The following SPMIP3 variants were observed in gnomAD, a reference collection of about 807,000 sequenced individuals.
SPMIP3 encodes the protein sperm microtubule inner protein 3.
chr1:244,364,851 A>G, the SPMIP3 span: 1 of 1,284,986 alleles, frequency 7.8e-7, no homozygotes, highest in South Asian at 1.2e-5. Context: ...TCAGTGGTCC[A>G]GAGACTACTG....
chr1:244,374,662 T>C, the SPMIP3 span, among the ~76,000 whole-genome samples: 1 of 130,748 alleles, frequency 7.6e-6, no homozygotes, highest in East Asian at 2.7e-4. Context: ...AGTGGCACAA[T>C]CTCAGCTCAC....
chr1:244,371,702 C>A, the SPMIP3 span, among the ~76,000 whole-genome samples: 1 of 152,202 alleles, frequency 6.6e-6, no homozygotes, highest in African/African-American at 2.4e-5. Flanking sequence ...GCCCACAGCC[C>A]AGCAACTGTA....
chr1:244,360,539 C>CAT, the SPMIP3 span, among the ~76,000 whole-genome samples: 1 of 64,810 alleles, frequency 1.5e-5, no homozygotes, highest in Non-Finnish European at 3.6e-5. Flanking sequence ...CACACACACA[C>CAT]ACACACACAC....
At chr1:244,382,458 C>T in the SPMIP3 span, among the ~76,000 whole-genome samples, 1 of 152,040 alleles carries the variant, frequency 6.6e-6, no homozygotes, top group Admixed American at 6.6e-5. Context: ...GAAAGGAGAC[C>T]AGTGTTGTTT....
chr1:244,360,507 TATACACACACAC>T, the SPMIP3 span, among the ~76,000 whole-genome samples: 5 of 12,864 alleles, frequency 3.9e-4, no homozygotes, highest in Admixed American at 9.7e-4. Flanking sequence ...GAAAACGTGA[TATACACACACAC>T]ACACACACAC....
chr1:244,383,812 A>C, the SPMIP3 span, among the ~76,000 whole-genome samples: 1 of 152,116 alleles, frequency 6.6e-6, no homozygotes, highest in Non-Finnish European at 1.5e-5. Flanking sequence ...CGGTGGAGGG[A>C]TGGGAAGAAA....
chr1:244,365,141 A>G, the SPMIP3 span, among the ~76,000 whole-genome samples: 5 of 152,344 alleles, frequency 3.3e-5, no homozygotes, highest in South Asian at 2.1e-4. Context: ...GGACAATTGA[A>G]GTACGATAAC....
chr1:244,387,826 G>C, the SPMIP3 span, among the ~76,000 whole-genome samples: 4 of 151,978 alleles, frequency 2.6e-5, no homozygotes, highest in Non-Finnish European at 5.9e-5. Flanking sequence ...GGATTTGGTT[G>C]GTGAGAGAGT....
At chr1:244,380,908 G>A in the SPMIP3 span, among the ~76,000 whole-genome samples, 1 of 151,978 alleles carries the variant, frequency 6.6e-6, no homozygotes, top group Non-Finnish European at 1.5e-5. Context: ...GTTGCCAGCA[G>A]GGGTTTGGGA....
chr1:244,363,080 T>C, the SPMIP3 span, among the ~76,000 whole-genome samples: 2 of 151,714 alleles, frequency 1.3e-5, no homozygotes, highest in East Asian at 3.9e-4. Flanking sequence ...AATGTAGTAG[T>C]TTGCTTGTGG....
chr1:244,385,971 T>G, the SPMIP3 span, among the ~76,000 whole-genome samples: 1 of 150,348 alleles, frequency 6.7e-6, no homozygotes, highest in Non-Finnish European at 1.5e-5. Context: ...TGAGACCAGC[T>G]TAGCCAACAT....
the SPMIP3 span, among the ~76,000 whole-genome samples, chr1:244,369,916 A>G: frequency 6.6e-6 from 1 of 152,104 alleles, no homozygotes; most frequent in African/African-American, 2.4e-5. Context: ...GAGAAAGGGG[A>G]AGATGGCGCC....
At chr1:244,376,689 C>A in the SPMIP3 span, among the ~76,000 whole-genome samples, 1 of 152,096 alleles carries the variant, frequency 6.6e-6, no homozygotes, top group Non-Finnish European at 1.5e-5. Flanking sequence ...TACGATTTAT[C>A]CATTTAATTC....
the SPMIP3 span, among the ~76,000 whole-genome samples, chr1:244,358,375 G>C: frequency 6.6e-6 from 1 of 152,262 alleles, no homozygotes; most frequent in African/African-American, 2.4e-5. Context: ...CTTGAGGTCA[G>C]AAGTTCGAGA....
the SPMIP3 span, among the ~76,000 whole-genome samples, chr1:244,355,569 G>T: frequency 5.9e-5 from 9 of 152,036 alleles, no homozygotes; most frequent in Non-Finnish European, 1.2e-4. Flanking sequence ...TGTGTTTTTA[G>T]TAGAGACAGA....
the SPMIP3 span, among the ~76,000 whole-genome samples, chr1:244,383,752 A>G: frequency 1.3e-5 from 2 of 152,186 alleles, no homozygotes; most frequent in Non-Finnish European, 2.9e-5. Flanking sequence ...ACTAAAAACA[A>G]TAAGGGTGTG....
the SPMIP3 span, chr1:244,388,869 G>A: frequency 9.1e-7 from 1 of 1,097,456 alleles, no homozygotes; most frequent in Non-Finnish European, 1.4e-6. Flanking sequence ...TTGTTACTGT[G>A]CACAACTGCT....
the SPMIP3 span, among the ~76,000 whole-genome samples, chr1:244,362,720 G>C: frequency 6.6e-6 from 1 of 152,008 alleles, no homozygotes; most frequent in Non-Finnish European, 1.5e-5. Context: ...CATAGGCCCA[G>C]CTGTCTATGC....
At chr1:244,361,120 C>A in the SPMIP3 span, among the ~76,000 whole-genome samples, 1 of 151,240 alleles carries the variant, frequency 6.6e-6, no homozygotes, top group Non-Finnish European at 1.5e-5. Context: ...AGGGAATAAA[C>A]GGTGGATGGT....
Sources: allele counts gnomAD v4.1 joint callset (sites outside exome capture counted in the v4.1 genomes callset), GRCh38; gene constraint gnomAD v4.1.1; transcripts MANE v1.5; gene names NCBI Gene and HGNC (gene_info 2026-07-23, HGNC 2026-07-21).